ZFHX3: variants seen among roughly 807,000 people sequenced by gnomAD.
ZFHX3 encodes the protein zinc finger homeobox 3.
Under a neutral mutation model 279.1 loss-of-function variants are expected in ZFHX3, and 42 were observed. The observed-to-expected ratio is 0.15, with a 90% CI of 0.12 to 0.19. The LOEUF is 0.19. Among genes scored for constraint, ZFHX3 ranks in the 10% least tolerant of loss-of-function variants. The probability of loss-of-function intolerance (pLI) is 1.00; values close to 1 mark genes in which losing one functional copy is unlikely to be tolerated. For missense variants in ZFHX3, 4,981 were observed against 4,754.0 expected (o/e 1.05, Z -1.40); for synonymous variants, 2,293 against 1,957.8 (o/e 1.17, Z -4.52).
At chr16:72,920,665 C>T (rs897554095) in intron 3 of ZFHX3, among the ~76,000 whole-genome samples, 1 of 139,802 alleles carries the variant, frequency 7.2e-6, no homozygotes, top group African/African-American at 2.8e-5. Context: ...AGTGAAAGTT[C>T]GTCTCAAAAA....
intron 1 of ZFHX3, among the ~76,000 whole-genome samples, chr16:73,704,315 C>G (rs1027459878): frequency 2.6e-5 from 4 of 152,204 alleles, no homozygotes; most frequent in Non-Finnish European, 5.9e-5. Flanking sequence ...AACGAACCAT[C>G]ATTTGTTCAC....
At chr16:73,512,580 G>A (rs1174872526) in intron 2 of ZFHX3, among the ~76,000 whole-genome samples, 10 of 151,976 alleles carry the variant, frequency 6.6e-5, no homozygotes, top group Admixed American at 5.9e-4. Context: ...AGTTGGAAAA[G>A]GAGGCAGATG....
chr16:73,156,527 G>C (rs1350285953), intron 5 of ZFHX3, among the ~76,000 whole-genome samples: 1 of 152,118 alleles, frequency 6.6e-6, no homozygotes, highest in South Asian at 2.1e-4. Context: ...CTTCGCTCCT[G>C]GTCTTGCTTT....
At chr16:72,905,959 A>C (rs563450109) in intron 3 of ZFHX3, among the ~76,000 whole-genome samples, 1 of 152,186 alleles carries the variant, frequency 6.6e-6, no homozygotes, top group East Asian at 1.9e-4. Context: ...TAAGGCTCTC[A>C]CCTTCCTCTA....
chr16:73,496,258 T>C (rs954110065), intron 2 of ZFHX3, among the ~76,000 whole-genome samples: 4 of 152,226 alleles, frequency 2.6e-5, no homozygotes, highest in African/African-American at 9.6e-5. Context: ...TGGCCGGGCG[T>C]GGCGGCTCAC....
chr16:73,818,638 G>A (rs1213754752), intron 1 of ZFHX3, among the ~76,000 whole-genome samples: 1 of 152,186 alleles, frequency 6.6e-6, no homozygotes, highest in African/African-American at 2.4e-5. Flanking sequence ...TTTATCTGGG[G>A]TCCCTGCTGA....
intron 3 of ZFHX3, among the ~76,000 whole-genome samples, chr16:73,439,381 T>C (rs901941613): frequency 6.6e-6 from 1 of 152,150 alleles, no homozygotes; most frequent in African/African-American, 2.4e-5. Flanking sequence ...CAGCGTGCTA[T>C]TGCAACTGAC....
At chr16:72,941,860 C>G (rs1228364467) in intron 3 of ZFHX3, among the ~76,000 whole-genome samples, 1 of 152,120 alleles carries the variant, frequency 6.6e-6, no homozygotes, top group Non-Finnish European at 1.5e-5. Context: ...ATTCTACATC[C>G]CGGCTGCTGT....
intron 4 of ZFHX3, among the ~76,000 whole-genome samples, chr16:73,311,555 A>C (rs969083353): frequency 6.8e-6 from 1 of 146,068 alleles, no homozygotes; most frequent in Non-Finnish European, 1.5e-5. Context: ...ATGCCACAGC[A>C]CTCCAGCCTG....
intron 2 of ZFHX3, among the ~76,000 whole-genome samples, chr16:73,616,743 G>T (rs192435900): frequency 6.6e-6 from 1 of 152,076 alleles, no homozygotes; most frequent in South Asian, 2.1e-4. Flanking sequence ...AAATTCTTTC[G>T]AAAGACACAT....
chr16:72,790,231 G>T (rs1167960944), intron 9 of ZFHX3: 1 of 152,638 alleles, frequency 6.6e-6, no homozygotes, highest in Non-Finnish European at 1.5e-5. Context: ...GTGGGGTGCA[G>T]TGTGTGCTGG....
intron 1 of ZFHX3, among the ~76,000 whole-genome samples, chr16:73,883,462 T>C (rs1226263213): frequency 6.6e-6 from 1 of 151,890 alleles, no homozygotes; most frequent in Non-Finnish European, 1.5e-5. Flanking sequence ...GGACATGATA[T>C]ATACATACAA....
intron 1 of ZFHX3, among the ~76,000 whole-genome samples, chr16:73,713,417 A>G (rs1254586321): frequency 6.6e-6 from 1 of 152,168 alleles, no homozygotes; most frequent in East Asian, 1.9e-4. Flanking sequence ...TCAGTTTATA[A>G]TATAAAGGGC....
chr16:72,956,113 T>C (rs892678564), intron 2 of ZFHX3, among the ~76,000 whole-genome samples: 4 of 152,152 alleles, frequency 2.6e-5, no homozygotes, highest in African/African-American at 9.7e-5. Flanking sequence ...GTACTAAGGA[T>C]TAAAAACTGA....
intron 1 of ZFHX3, among the ~76,000 whole-genome samples, chr16:73,016,766 C>G (rs1964115283): frequency 6.6e-6 from 1 of 152,082 alleles, no homozygotes; most frequent in Non-Finnish European, 1.5e-5. Context: ...AGAATGTTCT[C>G]TGTGCCTCTC....
At chr16:72,950,288 C>A (rs1044175554) in intron 3 of ZFHX3, among the ~76,000 whole-genome samples, 181 bp downstream of exon 3, 1 of 152,130 alleles carries the variant, frequency 6.6e-6, no homozygotes, top group East Asian at 1.9e-4. Flanking sequence ...GAACCTGTCA[C>A]GTTTCCACCT....
chr16:73,081,575 A>G (rs968249059), intron 8 of ZFHX3: 1 of 152,082 alleles, frequency 6.6e-6, no homozygotes, highest in African/African-American at 2.4e-5. Context: ...GTCTTTAACC[A>G]TATTATCAAA....
At chr16:73,123,047 G>A (rs576246552) in intron 7 of ZFHX3, among the ~76,000 whole-genome samples, 38 of 152,098 alleles carry the variant, frequency 2.5e-4, no homozygotes, top group African/African-American at 9.2e-4. Flanking sequence ...GGCAGGAAGA[G>A]TGTCAGATGT....
chr16:72,954,056 C>A (rs1961125165), intron 2 of ZFHX3, among the ~76,000 whole-genome samples: 1 of 152,206 alleles, frequency 6.6e-6, no homozygotes, highest in South Asian at 2.1e-4. Context: ...AGTTCACAAA[C>A]AGGAGCAGGG....
Sources: gnomAD v4.1 joint callset for allele counts (sites outside exome capture counted in the v4.1 genomes callset) on GRCh38, gnomAD v4.1.1 for gene constraint, MANE v1.5 for transcripts, NCBI Gene and HGNC (gene_info 2026-07-23, HGNC 2026-07-21) for gene names.